The following FBXL13 variants were observed in gnomAD, a reference collection of about 807,000 sequenced individuals.
FBXL13 encodes the protein F-box and leucine rich repeat protein 13, also known as F-box and leucine-rich repeat protein 13.
Under a neutral mutation model 83.6 loss-of-function variants are expected in FBXL13, and 67 were observed. That is an observed-to-expected ratio of 0.80 (90% CI 0.66 to 0.98). The LOEUF (loss-of-function observed/expected upper bound fraction) is 0.98. Ranked by LOEUF, FBXL13 falls within the 50% of genes least tolerant of loss-of-function variation. The probability of loss-of-function intolerance (pLI) is 0.00; values close to 1 mark genes in which losing one functional copy is unlikely to be tolerated. For missense variants in FBXL13, 822 were observed against 866.5 expected (o/e 0.95, Z 0.64); for synonymous variants, 272 against 299.5 (o/e 0.91, Z 0.95).
At chr7:103,058,480 C>T (rs1249049058) in intron 1 of FBXL13, among the ~76,000 whole-genome samples, 2 of 152,220 alleles carry the variant, frequency 1.3e-5, no homozygotes, top group Admixed American at 6.5e-5. Flanking sequence ...TATCTGGAGG[C>T]CAATCAGACT....
intron 6 of FBXL13, among the ~76,000 whole-genome samples, chr7:102,986,867 A>G (rs1322494002): frequency 6.6e-6 from 1 of 152,060 alleles, no homozygotes. Context: ...TTGCAAAGAT[A>G]TGGACCAAAC....
intron 6 of FBXL13, among the ~76,000 whole-genome samples, chr7:103,017,427 T>G (rs1792490417): frequency 6.6e-6 from 1 of 152,090 alleles, no homozygotes; most frequent in African/African-American, 2.4e-5. Context: ...CCTCTCCCCC[T>G]CCAAAGGAAT....
chr7:103,001,615 T>C (rs1790414380), intron 6 of FBXL13, among the ~76,000 whole-genome samples: 1 of 152,224 alleles, frequency 6.6e-6, no homozygotes. Context: ...CCAGCATAGC[T>C]AGAACAAAGC....
Position 102,963,676 on chromosome 7 carries a change from T to C in FBXL13, c.592-11A>G. ...TGAGGAAAAATCAATCTAAAAAGAA[T>C]AAACAAAATGCATTAAGAAATGAGA... On this transcript the variant is annotated splice_polypyrimidine_tract_variant and intron_variant, in intron 7 of 19. Coordinates refer to ENST00000313221, the Ensembl canonical transcript of FBXL13. 1.3e-6 allele frequency: 2 copies of C among 1,585,738 alleles called. No homozygotes were observed. Among genetic ancestry groups the C allele is most frequent in the Non-Finnish European group, 1.7e-6 (2 of 1,171,732 alleles).
intron 11 of FBXL13, among the ~76,000 whole-genome samples, chr7:102,902,388 C>T (rs1223060275): frequency 1.3e-5 from 2 of 152,060 alleles, no homozygotes; most frequent in African/African-American, 4.8e-5. Context: ...TGGGTTGTCT[C>T]TTCACTTTGT....
intron 6 of FBXL13, among the ~76,000 whole-genome samples, chr7:102,998,083 G>T (rs893503571): frequency 7.2e-5 from 11 of 151,906 alleles, no homozygotes; most frequent in Non-Finnish European, 1.5e-4. Flanking sequence ...GTTATTTTTT[G>T]TCTTTCTGAT....
intron 8 of FBXL13, among the ~76,000 whole-genome samples, chr7:102,958,371 C>A (rs1212075289): frequency 2.0e-5 from 3 of 150,300 alleles, no homozygotes; most frequent in African/African-American, 7.4e-5. Flanking sequence ...GAACATCACA[C>A]AGTGGGGTCT....
At chr7:102,922,851 G>A (rs1253478353) in intron 10 of FBXL13, among the ~76,000 whole-genome samples, 1 of 152,098 alleles carries the variant, frequency 6.6e-6, no homozygotes, top group Non-Finnish European at 1.5e-5. Flanking sequence ...GGTGGTGGGT[G>A]CCTGTAGTCC....
rs539424491 is a variant in FBXL13, at chr7:102,882,410, A to T, written c.1388+895T>A. On this transcript the variant is annotated intron_variant, in intron 14 of 19. Coordinates refer to ENST00000313221, the Ensembl canonical transcript of FBXL13. ...TTATCTGGCCCTATAAGATTATAAG[A>T]ATTCTACATAGGTAAGAGTCTGAGC... Among the ~76,000 whole-genome samples, 20 of 152,304 alleles carry T rather than the reference A, an allele frequency of 1.3e-4. No individual in the cohort carries two copies. In the South Asian group the frequency reaches 3.9e-3, roughly 30 times the overall value.
intron 16 of FBXL13, among the ~76,000 whole-genome samples, chr7:102,875,152 G>T (rs1339409306): frequency 6.6e-6 from 1 of 152,104 alleles, no homozygotes; most frequent in Non-Finnish European, 1.5e-5. Flanking sequence ...TCAGGAAAAG[G>T]TTCTTACAAA....
At position 103,064,769 on chromosome 7, in the gene FBXL13, G is replaced by A. The variant is rs1157695073; in HGVS notation, c.-104-9022C>T. Among the ~76,000 whole-genome samples the A allele has an allele frequency of 3.3e-5, 5 of 152,064 alleles. No individual in the cohort carries two copies. The South Asian group carries it at 6.2e-4, about 19-fold the overall frequency. ...CTTCCAAATCTAGATCATAAATAATGGTATAACTTCTACCTGGTTCTCTCT... is the reference window on the plus strand; with the variant it reads ...CTTCCAAATCTAGATCATAAATAATAGTATAACTTCTACCTGGTTCTCTCT... On this transcript the variant is annotated intron_variant, in intron 1 of 19. Transcript: ENST00000313221.
intron 2 of FBXL13, among the ~76,000 whole-genome samples, chr7:103,043,128 AAAAC>A (rs1795908982): frequency 6.6e-6 from 1 of 152,236 alleles, no homozygotes; most frequent in Admixed American, 6.5e-5. Flanking sequence ...TTACAAGAAA[AAAAC>A]AAACAACCAT....
chr7:102,947,948 C>A (rs1236396124), intron 8 of FBXL13, among the ~76,000 whole-genome samples: 1 of 152,168 alleles, frequency 6.6e-6, no homozygotes, highest in East Asian at 1.9e-4. Context: ...CTTTTTCATT[C>A]ATTCACCATT....
chr7:102,998,803 C>T (rs980312339), intron 6 of FBXL13, among the ~76,000 whole-genome samples: 1 of 151,578 alleles, frequency 6.6e-6, no homozygotes, highest in African/African-American at 2.4e-5. Context: ...TCCATCTCTA[C>T]AAATAAAATA....
At chr7:102,863,377 G>T (rs1453101666) in intron 16 of FBXL13, among the ~76,000 whole-genome samples, 1 of 152,168 alleles carries the variant, frequency 6.6e-6, no homozygotes, top group Non-Finnish European at 1.5e-5. Context: ...TGTAGTTACT[G>T]GGGGTATAGA....
chr7:102,997,236 C>G (rs1789898077), intron 6 of FBXL13, among the ~76,000 whole-genome samples: 1 of 152,148 alleles, frequency 6.6e-6, no homozygotes, highest in South Asian at 2.1e-4. Flanking sequence ...TATTATAGAT[C>G]TGCACCATCT....
intron 6 of FBXL13, among the ~76,000 whole-genome samples, chr7:103,024,855 A>ATT (rs1265944529): frequency 3.5e-3 from 299 of 86,326 alleles, no homozygotes; most frequent in African/African-American, 4.3e-3. Context: ...ATATATATAT[A>ATT]TATTTTTTTT....
chr7:103,013,636 T>A (rs904760896), intron 6 of FBXL13, among the ~76,000 whole-genome samples: 1 of 152,076 alleles, frequency 6.6e-6, no homozygotes, highest in African/African-American at 2.4e-5. Flanking sequence ...GCCAAAGCAC[T>A]GTTAAGAGGG....
chr7:102,867,695 A>ATAT (rs1239781180), intron 16 of FBXL13, among the ~76,000 whole-genome samples: 111 of 49,094 alleles, frequency 2.3e-3, no homozygotes, highest in Non-Finnish European at 2.9e-3. Flanking sequence ...ATATATATAT[A>ATAT]TTTTTTTTTT....
Sources: allele counts gnomAD v4.1 joint callset (sites outside exome capture counted in the v4.1 genomes callset), GRCh38; gene constraint gnomAD v4.1.1; transcripts MANE v1.5; gene names NCBI Gene and HGNC (gene_info 2026-07-23, HGNC 2026-07-21).